The following THADA variants were observed in gnomAD, a reference collection of about 807,000 sequenced individuals.
The protein encoded by THADA is tRNA (32-2'-O)-methyltransferase regulator THADA.
In THADA, 213 loss-of-function variants were observed where a neutral mutation model predicts 219.8. That is an observed-to-expected ratio of 0.97 (90% CI 0.87 to 1.09). The LOEUF (loss-of-function observed/expected upper bound fraction) is 1.09. Among genes scored for constraint, THADA ranks in the 50% least tolerant of loss-of-function variants. The pLI is 0.00. For missense variants in THADA, 2,956 were observed against 2,311.3 expected (o/e 1.28, Z -5.72); for synonymous variants, 1,018 against 828.9 (o/e 1.23, Z -3.92).
At chr2:43,339,835 G>C in intron 30 of THADA, among the ~76,000 whole-genome samples, 1 of 152,094 alleles carries the variant, frequency 6.6e-6, no homozygotes, top group African/African-American at 2.4e-5. Flanking sequence ...GCTCATGTCT[G>C]TAATCCCAGC....
chr2:43,383,823 A>G (rs1006160734), intron 29 of THADA, among the ~76,000 whole-genome samples: 1 of 152,230 alleles, frequency 6.6e-6, no homozygotes, highest in Admixed American at 6.5e-5. Flanking sequence ...TGAAAGGTCA[A>G]TCATTAAAAA....
At chr2:43,507,192 A>C (rs1318361521) in intron 23 of THADA, among the ~76,000 whole-genome samples, 4 of 152,220 alleles carry the variant, frequency 2.6e-5, no homozygotes, top group Non-Finnish European at 5.9e-5. Context: ...TCAACTAAAA[A>C]AAAGCTACAT....
chr2:43,510,741 C>A lies in THADA; in HGVS notation c.3375-1961G>T, dbSNP rs187835888. On this transcript the variant is annotated intron_variant, in intron 22 of 37. Transcript: ENST00000405975. ...ATCCCAGCATTTTGGGAGGCTGAGG[C>A]GGGAGGATCACCTGAGGTCAGGAGT... Among the ~76,000 whole-genome samples, 545 of 150,198 alleles carry A rather than the reference C, an allele frequency of 3.6e-3. 3 individuals carry two copies. Among genetic ancestry groups the A allele is most frequent in the Non-Finnish European group, 6.1e-3 (412 of 67,728 alleles).
intron 22 of THADA, among the ~76,000 whole-genome samples, chr2:43,510,890 G>A (rs1440648294): frequency 6.6e-6 from 1 of 151,540 alleles, no homozygotes; most frequent in East Asian, 1.9e-4. Context: ...AGAATCGCTT[G>A]AACTCAGGAA....
intron 34 of THADA, among the ~76,000 whole-genome samples, chr2:43,289,573 C>A (rs1363842714): frequency 6.6e-6 from 1 of 152,212 alleles, no homozygotes; most frequent in African/African-American, 2.4e-5. Context: ...TTAAAAACAG[C>A]TTTAGATAAG....
At chr2:43,405,868 T>TA (rs372294080) in intron 28 of THADA, among the ~76,000 whole-genome samples, 1 of 151,984 alleles carries the variant, frequency 6.6e-6, no homozygotes, top group African/African-American at 2.4e-5. Flanking sequence ...ATTAAACCCT[T>TA]AAAAAAAATT....
intron 29 of THADA, among the ~76,000 whole-genome samples, chr2:43,368,442 G>T (rs1670419569): frequency 6.6e-6 from 1 of 152,108 alleles, no homozygotes; most frequent in Non-Finnish European, 1.5e-5. Context: ...TGTCGCCCGG[G>T]CTGGAGTGCA....
At chr2:43,591,696 T>A (rs1701590117) in intron 3 of THADA, among the ~76,000 whole-genome samples, 1 of 152,206 alleles carries the variant, frequency 6.6e-6, no homozygotes, top group Admixed American at 6.5e-5. Flanking sequence ...AAAATTTATC[T>A]CCACAAAAGA....
chr2:43,384,324 G>A (rs1672385497), intron 29 of THADA, among the ~76,000 whole-genome samples: 1 of 151,932 alleles, frequency 6.6e-6, no homozygotes, highest in Non-Finnish European at 1.5e-5. Flanking sequence ...GAGGGGCGAG[G>A]GGTGTGAGTA....
At chr2:43,409,544 G>A (rs905612070) in intron 28 of THADA, among the ~76,000 whole-genome samples, 3 of 152,092 alleles carry the variant, frequency 2.0e-5, no homozygotes, top group South Asian at 4.2e-4. Flanking sequence ...GAGAAAGTCT[G>A]ACATCCTCCT....
chr2:43,468,389 T>C (rs954362757), intron 26 of THADA, among the ~76,000 whole-genome samples: 2 of 152,338 alleles, frequency 1.3e-5, no homozygotes, highest in Middle Eastern at 3.4e-3. Flanking sequence ...GTGGTGTTAT[T>C]TGGATCTTTT....
Position 43,568,032 on chromosome 2 carries a change from G to C in THADA, c.2188-1211C>G, listed in dbSNP as rs145761538. Among the ~76,000 whole-genome samples the C allele has an allele frequency of 3.3e-5, 5 of 151,976 alleles. No homozygotes were observed. In the East Asian group the frequency reaches 7.8e-4, roughly 24 times the overall value. On this transcript the variant is annotated intron_variant, in intron 14 of 37. Transcript: ENST00000405975. The stretch of plus-strand genomic sequence containing the variant: ...CTTCATTAAGCTACTACTGGGGGTG[G>C]GGGGGAGAAAATACTGAGATTTTGG...
chr2:43,450,693 G>C (rs1272883533), intron 26 of THADA, among the ~76,000 whole-genome samples: 1 of 151,936 alleles, frequency 6.6e-6, no homozygotes, highest in African/African-American at 2.4e-5. Context: ...TGGCAGAATG[G>C]ATAAAAAAAA....
chr2:43,264,996 G>T (rs1212793602), intron 36 of THADA, among the ~76,000 whole-genome samples: 1 of 152,248 alleles, frequency 6.6e-6, no homozygotes, highest in Non-Finnish European at 1.5e-5. Context: ...TATTGGAGAT[G>T]AATGAACATT....
At chr2:43,298,150 T>C (rs1222879607) in intron 31 of THADA, among the ~76,000 whole-genome samples, 1 of 86,590 alleles carries the variant, frequency 1.2e-5, no homozygotes, top group Admixed American at 1.0e-4. Context: ...CTTTGTGGAA[T>C]AGAAAGGCGG....
intron 22 of THADA, among the ~76,000 whole-genome samples, chr2:43,523,300 G>A (rs973261012): frequency 1.1e-4 from 17 of 151,694 alleles, no homozygotes; most frequent in African/African-American, 4.1e-4. Context: ...CCAGGAGGCA[G>A]AAGTTGCAAT....
At chr2:43,495,460 A>G (rs1301331087) in intron 25 of THADA, among the ~76,000 whole-genome samples, 2 of 152,200 alleles carry the variant, frequency 1.3e-5, no homozygotes, top group African/African-American at 4.8e-5. Flanking sequence ...ATGCACATGT[A>G]AAGCCCACAC....
intron 22 of THADA, among the ~76,000 whole-genome samples, chr2:43,520,040 C>A (rs1429380876): frequency 6.6e-6 from 1 of 152,176 alleles, no homozygotes; most frequent in Non-Finnish European, 1.5e-5. Flanking sequence ...AAGAACAATA[C>A]AGCAAACCCT....
In THADA at chr2:43,344,178, C is replaced by A. The variant is rs1484266394; in HGVS notation, c.4287G>T (p.Gln1429His). ...DSKHGTNSDF[Q>H]HELTDITVCT... ...AAACAGTGATGTCAGTCAGCTCGTG[C>A]TGGAAGTCTGAATTCGTTCCGTGTT... Residue 1429 changes from glutamine (Q) to histidine (H), a missense_variant, in exon 30 of 38, where the codon CAG becomes CAT. Physicochemically the swap from Gln to His is conservative, Grantham distance 24. Coordinates refer to ENST00000405975, the MANE Select transcript of THADA (RefSeq NM_022065.5). 2.5e-6 allele frequency: 4 copies of A among 1,612,664 alleles called. No homozygotes were observed. In the East Asian group the frequency reaches 8.9e-5, roughly 36 times the overall value.
Sources: gnomAD v4.1 joint callset for allele counts (sites outside exome capture counted in the v4.1 genomes callset) on GRCh38, gnomAD v4.1.1 for gene constraint, MANE v1.5 for transcripts, NCBI Gene and HGNC (gene_info 2026-07-23, HGNC 2026-07-21) for gene names.